The following CBX1 variants were observed in gnomAD, a reference collection of about 807,000 sequenced individuals.
CBX1 encodes the protein chromobox protein homolog 1.
In CBX1, 10 loss-of-function variants were observed where a neutral mutation model predicts 25.1. That is an observed-to-expected ratio of 0.40 (90% CI 0.25 to 0.68). CBX1 has a LOEUF of 0.68. Ranked by LOEUF, CBX1 falls within the 30% of genes least tolerant of loss-of-function variation. The probability of loss-of-function intolerance (pLI) is 0.40; values close to 1 mark genes in which losing one functional copy is unlikely to be tolerated. For synonymous variants in CBX1, 63 were observed against 79.4 expected (o/e 0.79, Z 1.10); for missense variants, 106 against 218.5 (o/e 0.49, Z 3.25).
intron 1 of CBX1, among the ~76,000 whole-genome samples, chr17:48,094,600 C>T (rs976982601): frequency 4.0e-5 from 6 of 151,238 alleles, no homozygotes; most frequent in African/African-American, 2.4e-5. Context: ...GCCAGCATGG[C>T]GCACCTGTAG....
chr17:48,081,327 T>C (rs1234712659), intron 1 of CBX1, among the ~76,000 whole-genome samples: 1 of 152,152 alleles, frequency 6.6e-6, no homozygotes, highest in Non-Finnish European at 1.5e-5. Context: ...CCCTTTATCA[T>C]TAATTAGCAT....
chr17:48,075,123 AC>A, intron 3 of CBX1, 23 bp from the exon 4 acceptor site: 1 of 1,515,862 alleles, frequency 6.6e-7, no homozygotes, highest in Non-Finnish European at 9.2e-7. Context: ...GATGGGTAGA[AC>A]AATTTTATCT....
At chr17:48,073,452 T>A (rs758972920) in intron 4 of CBX1, among the ~76,000 whole-genome samples, 1 of 152,170 alleles carries the variant, frequency 6.6e-6, no homozygotes, top group Non-Finnish European at 1.5e-5. Flanking sequence ...TTTAGAAATA[T>A]ACAAAAATCT....
chr17:48,091,535 CTTTTTTTTTTTTTT>C (rs4053473), intron 1 of CBX1, among the ~76,000 whole-genome samples: 17 of 72,168 alleles, frequency 2.4e-4, no homozygotes, highest in East Asian at 4.4e-4. Context: ...CCACCATGCC[CTTTTTTTTTTTTTT>C]TTTTTTTTTT....
intron 4 of CBX1, 123 bp downstream of exon 4, chr17:48,074,883 T>C (rs2037659531): frequency 5.2e-6 from 4 of 762,556 alleles, no homozygotes; most frequent in African/African-American, 1.7e-5. Context: ...ATCGAAGGAC[T>C]ATGCCATCTT....
intron 1 of CBX1, among the ~76,000 whole-genome samples, chr17:48,077,286 T>C (rs1197357450): frequency 1.3e-5 from 2 of 151,522 alleles, no homozygotes; most frequent in African/African-American, 4.9e-5. Flanking sequence ...GACGGAGTCT[T>C]GCTCTGTTGC....
chr17:48,072,817 C>T lies in CBX1; in HGVS notation c.414-1238G>A, dbSNP rs185910021. The stretch of plus-strand genomic sequence containing the variant: ...AAGTTTTCAAAATTTGAAAATCATA[C>T]ACATTATAAGGGAATTAGGAGTAAA... On this transcript the variant is annotated intron_variant, in intron 4 of 4. Transcript: ENST00000225603. Among the ~76,000 whole-genome samples the T allele has an allele frequency of 3.0e-3, 450 of 150,354 alleles. 2 individuals are homozygous for T. Among genetic ancestry groups the T allele is most frequent in the Non-Finnish European group, 4.8e-3 (327 of 67,664 alleles).
intron 1 of CBX1, among the ~76,000 whole-genome samples, chr17:48,091,891 C>A (rs573697916): frequency 4.0e-5 from 6 of 151,110 alleles, no homozygotes; most frequent in Non-Finnish European, 8.8e-5. Flanking sequence ...GTTGGCCAGG[C>A]TGGTCTCGAA....
chr17:48,100,646 C>A, intron 1 of CBX1: 1 of 835,086 alleles, frequency 1.2e-6, no homozygotes, highest in Non-Finnish European at 1.4e-6. Flanking sequence ...CCCTACTTAT[C>A]CTAACAGCTC....
intron 1 of CBX1, among the ~76,000 whole-genome samples, chr17:48,082,501 CAA>C (rs572999255): frequency 2.5e-3 from 132 of 53,708 alleles, no homozygotes; most frequent in African/African-American, 7.4e-3. Flanking sequence ...GACTCCATCT[CAA>C]AAAAAAAAAA....
At chr17:48,092,638 G>C (rs1394379801) in intron 1 of CBX1, among the ~76,000 whole-genome samples, 2 of 151,756 alleles carry the variant, frequency 1.3e-5, no homozygotes, top group African/African-American at 2.4e-5. Context: ...ATTTTTAGTA[G>C]AGACAAGGTT....
chr17:48,098,394 T>C (rs774558811), intron 1 of CBX1, among the ~76,000 whole-genome samples: 6 of 152,256 alleles, frequency 3.9e-5, no homozygotes, highest in Non-Finnish European at 1.5e-5. Flanking sequence ...GGCTGAGTTC[T>C]CAGAATGGAT....
chr17:48,083,324 A>G (rs1021078231), intron 1 of CBX1, among the ~76,000 whole-genome samples: 1 of 150,458 alleles, frequency 6.6e-6, no homozygotes, highest in African/African-American at 2.5e-5. Flanking sequence ...ACCACTTTGT[A>G]AATTCCACCT....
At chr17:48,082,150 G>A (rs563612280) in intron 1 of CBX1, among the ~76,000 whole-genome samples, 72 of 152,150 alleles carry the variant, frequency 4.7e-4, no homozygotes, top group African/African-American at 1.5e-3. Flanking sequence ...AGGCTGCTGT[G>A]AGCTGTGATT....
chr17:48,085,480 C>T (rs1303999673), intron 1 of CBX1, among the ~76,000 whole-genome samples: 2 of 152,034 alleles, frequency 1.3e-5, no homozygotes, highest in Admixed American at 1.3e-4. Context: ...GATGACTCCT[C>T]CCTACAATTT....
chr17:48,092,577 C>T (rs1252970575), intron 1 of CBX1, among the ~76,000 whole-genome samples: 1 of 151,516 alleles, frequency 6.6e-6, no homozygotes. Flanking sequence ...CCTCAGCCTC[C>T]TGAGTAACTG....
chr17:48,096,657 C>G (rs1030047599), intron 1 of CBX1, among the ~76,000 whole-genome samples: 2 of 152,084 alleles, frequency 1.3e-5, no homozygotes, highest in Non-Finnish European at 2.9e-5. Flanking sequence ...CACCTGTATT[C>G]CTAGCTCCTC....
At chr17:48,093,143 G>A (rs2063353992) in intron 1 of CBX1, among the ~76,000 whole-genome samples, 1 of 149,922 alleles carries the variant, frequency 6.7e-6, no homozygotes, top group South Asian at 2.1e-4. Context: ...GCAGGCGCCT[G>A]TAATCCCAGC....
At position 48,092,843 on chromosome 17, in the gene CBX1, G is replaced by A. The variant is rs560461762; in HGVS notation, c.-38+8425C>T. Reference sequence around the variant, plus strand: ...CCCAGCACTTTGGGAGGCCGAGGTCGGCAGATCACCTGAGGTCAGGAGTTT... The same window carrying A: ...CCCAGCACTTTGGGAGGCCGAGGTCAGCAGATCACCTGAGGTCAGGAGTTT... On this transcript the variant is annotated intron_variant, in intron 1 of 4. Coordinates refer to ENST00000225603, the MANE Select transcript of CBX1 (RefSeq NM_001127228.2). 3.3e-5 allele frequency among the ~76,000 whole-genome samples: 5 copies of A among 152,044 alleles called. No homozygotes were observed. In the East Asian group the frequency reaches 5.9e-4, roughly 18 times the overall value.
Sources: gnomAD v4.1 joint callset for allele counts (sites outside exome capture counted in the v4.1 genomes callset) on GRCh38, gnomAD v4.1.1 for gene constraint, MANE v1.5 for transcripts, NCBI Gene and HGNC (gene_info 2026-07-23, HGNC 2026-07-21) for gene names.